COX7B: variants seen among roughly 807,000 people sequenced by gnomAD.
The protein encoded by COX7B is cytochrome c oxidase subunit 7B, also known as cytochrome c oxidase subunit 7B, mitochondrial.
In COX7B, 2 loss-of-function variants were observed where a neutral mutation model predicts 7.9. That is an observed-to-expected ratio of 0.25 (90% CI 0.10 to 0.79). The LOEUF is 0.79. COX7B is among the 30% of genes least tolerant of loss of function. The pLI is 0.69. For synonymous variants in COX7B, 19 were observed against 21.1 expected, an observed-to-expected ratio of 0.90 and a Z score of 0.27; for missense variants, 54 against 62.7, an observed-to-expected ratio of 0.86 and a Z score of 0.47.
At position 77,907,085 on chromosome X, in the gene COX7B, C is replaced by T. The variant is rs966532058; in HGVS notation, c.*1824C>T. 2.7e-5 allele frequency: 3 copies of T among 110,586 alleles called. No homozygotes were observed. In the Admixed American group the frequency reaches 2.9e-4, roughly 11 times the overall value. The allele number at this position is 110,586 out of a possible 1,213,427, so 9.1% of individuals were successfully genotyped here. ...TCTATATTAGCTAAATTATCTTTTG[C>T]TTATTACATAGAGTGCTAGAAGTAT... On this transcript the variant is annotated 3_prime_UTR_variant, in exon 3 of 3. Transcript: ENST00000650309.
intron 1 of COX7B, among the ~76,000 whole-genome samples, chrX:77,900,578 G>T (rs2077118064): frequency 8.9e-6 from 1 of 112,281 alleles, no homozygotes; most frequent in South Asian, 3.7e-4. Context: ...AAGGTGACCC[G>T]TAATTACTAT....
intron 2 of COX7B, among the ~76,000 whole-genome samples, chrX:77,904,559 C>T (rs1382083778): frequency 9.3e-6 from 1 of 107,236 alleles, no homozygotes; most frequent in Non-Finnish European, 1.9e-5. Context: ...GGAGAATCGC[C>T]TGAAGTTGGA....
intron 2 of COX7B, among the ~76,000 whole-genome samples, chrX:77,904,815 T>C (rs1235484060): frequency 1.8e-5 from 2 of 111,766 alleles, no homozygotes; most frequent in Non-Finnish European, 3.8e-5. Context: ...AGGGAATCAG[T>C]GTATTGAGTG....
Position 77,902,676 on chromosome X carries a change from G to A in COX7B, c.74G>A (p.Ser25Asn), listed in dbSNP as rs1400071124. The change falls in exon 2 of 3, where the codon AGC becomes AAC. Residue 25 changes from serine to asparagine, a missense_variant. Physicochemically the swap from Ser to Asn is conservative, Grantham distance 46 (BLOSUM62 1). Transcript: ENST00000650309. ...ATTCAGCAAACAATGGCAAGGCAGA[G>A]CCACCAGAAACGTACACCTGATTTT... Reference protein sequence around the residue: ...RSIQQTMARQSHQKRTPDFHD... With the variant: ...RSIQQTMARQNHQKRTPDFHD... 5.0e-6 allele frequency: 6 copies of A among 1,207,882 alleles called. No individual in the cohort carries two copies. The African/African-American group carries it at 8.7e-5, about 18-fold the overall frequency.
intron 1 of COX7B, among the ~76,000 whole-genome samples, chrX:77,902,038 T>C (rs979076405): frequency 1.8e-5 from 2 of 111,996 alleles, no homozygotes; most frequent in Non-Finnish European, 3.8e-5. Context: ...GCCTGGCCCA[T>C]TAATTTTTTA....
In COX7B at chrX:77,905,312, A is replaced by T. The variant is rs1557221040; in HGVS notation, c.*51A>T. The T allele has an allele frequency of 1.0e-6, 1 of 975,504 alleles. No homozygotes were observed. Among genetic ancestry groups the T allele is most frequent in the South Asian group, 1.9e-5 (1 of 51,468 alleles). 80.4% of individuals were successfully genotyped at this position (975,504 alleles called of 1,213,427 possible). A position where few individuals can be genotyped will look rare whatever the true frequency, so the allele number is the denominator to read the frequency against. On this transcript the variant is annotated 3_prime_UTR_variant, in exon 3 of 3. Coordinates refer to ENST00000650309, the MANE Select transcript of COX7B (RefSeq NM_001866.3). ...TTGTTTAAAAAACAGCTCATAATTGATGCCAAATTAAAGCACTGTGTACCC... is the reference window on the plus strand; with the variant it reads ...TTGTTTAAAAAACAGCTCATAATTGTTGCCAAATTAAAGCACTGTGTACCC...
intron 1 of COX7B, among the ~76,000 whole-genome samples, chrX:77,902,366 G>A (rs965392151): frequency 3.6e-5 from 4 of 111,757 alleles, no homozygotes; most frequent in Admixed American, 1.9e-4. Context: ...TGGAAGAATC[G>A]TATGAACACC....
At chrX:77,902,278 A>T (rs782806638) in intron 1 of COX7B, among the ~76,000 whole-genome samples, 3 of 112,093 alleles carry the variant, frequency 2.7e-5, no homozygotes, top group Middle Eastern at 9.2e-3. Context: ...CACTTTGTAG[A>T]GAATGTTACT....
intron 1 of COX7B, among the ~76,000 whole-genome samples, chrX:77,900,230 G>T (rs2077116996): frequency 9.0e-6 from 1 of 111,363 alleles, no homozygotes; most frequent in Non-Finnish European, 1.9e-5. Flanking sequence ...AGCCGGGCGT[G>T]GTGGTGGGCG....
In COX7B at chrX:77,902,650, C is replaced by A. The variant is rs61752458; in HGVS notation, c.48C>A (p.Ser16Arg). ...TTTTCGTTTTCCTGTAAGTTCGAAG[C>A]ATTCAGCAAACAATGGCAAGGCAGA... is the stretch of plus-strand genomic sequence containing the variant. ...KSALNRLQVR[S>R]IQQTMARQSH... Residue 16 changes from serine to arginine, a missense_variant, in exon 2 of 3, where the codon AGC (serine) becomes AGA (arginine). Transcript: ENST00000650309. The A allele has an allele frequency of 1.6e-3, 1,976 of 1,207,750 alleles. 21 individuals are homozygous for A. In the African/African-American group the frequency reaches 0.029, roughly 18 times the overall value.
chrX:77,905,465 G>A lies in COX7B; in HGVS notation c.*204G>A, dbSNP rs1755507287. ...TGTTAATATTAAAGTCAAATGCTGT[G>A]CAGCTTCTTAAATAGGTTTTTTTTT... On this transcript the variant is annotated 3_prime_UTR_variant, in exon 3 of 3. Transcript: ENST00000650309. 1.3e-5 allele frequency: 3 copies of A among 229,004 alleles called. No individual in the cohort carries two copies. The highest frequency in any genetic ancestry group is 1.7e-4 in the South Asian group (1 of 5,864). 18.9% of individuals were successfully genotyped at this position (229,004 alleles called of 1,213,427 possible). A position where few individuals can be genotyped will look rare whatever the true frequency, so the allele number is the denominator to read the frequency against.
intron 1 of COX7B, among the ~76,000 whole-genome samples, chrX:77,902,047 T>A (rs1261328111): frequency 1.8e-5 from 2 of 112,065 alleles, no homozygotes; most frequent in Non-Finnish European, 3.8e-5. Flanking sequence ...ATTAATTTTT[T>A]AAAAATCAAG....
At chrX:77,903,437 G>A (rs1010180957) in intron 2 of COX7B, among the ~76,000 whole-genome samples, 1 of 109,436 alleles carries the variant, frequency 9.1e-6, no homozygotes, top group African/African-American at 3.3e-5. Flanking sequence ...CAGGTGATCC[G>A]CCCGCCTTGG....
At position 77,906,773 on chromosome X, in the gene COX7B, G is replaced by C. The variant is rs782800944; in HGVS notation, c.*1512G>C. The C allele has an allele frequency of 1.7e-4, 19 of 110,508 alleles. No individual in the cohort carries two copies. The highest frequency in any genetic ancestry group is 6.3e-4 in the African/African-American group (19 of 30,360). The allele number at this position is 110,508 out of a possible 1,213,427, so 9.1% of individuals were successfully genotyped here. A position where few individuals can be genotyped will look rare whatever the true frequency, so the allele number is the denominator to read the frequency against. ...CTCCCTAGTAACTGGAATTACAGGC[G>C]CCTGCCACCATGCCTGGCTAATTTT... On this transcript the variant is annotated 3_prime_UTR_variant, in exon 3 of 3. Coordinates refer to ENST00000650309, the MANE Select transcript of COX7B (RefSeq NM_001866.3).
rs145118999 is a variant in COX7B at position 77,902,365 on chromosome X, C to T, written c.41-278C>T. 4.3e-3 allele frequency among the ~76,000 whole-genome samples: 477 copies of T among 112,003 alleles called. 4 individuals are homozygous for T. Among genetic ancestry groups the T allele is most frequent in the African/African-American group, 0.015 (463 of 30,869 alleles). ...AGACATACTGAAGAGTTGGAAGAAT[C>T]GTATGAACACCCATATACCCACCAC... On this transcript the variant is annotated intron_variant, in intron 1 of 2. Coordinates refer to ENST00000650309, the MANE Select transcript of COX7B (RefSeq NM_001866.3).
chrX:77,902,231 T>C (rs1262555146), intron 1 of COX7B, among the ~76,000 whole-genome samples: 1 of 111,987 alleles, frequency 8.9e-6, no homozygotes, highest in Non-Finnish European at 1.9e-5. Context: ...TTCAAATTAA[T>C]CAATGGGAGC....
At chrX:77,903,051 A>T (rs2077125126) in intron 2 of COX7B, 3 of 176,211 alleles carry the variant, frequency 1.7e-5, no homozygotes, top group Non-Finnish European at 2.1e-5. Flanking sequence ...TTTAAGAAGA[A>T]GTCTTGCTGT....
At chrX:77,904,572 G>A (rs1603367303) in intron 2 of COX7B, among the ~76,000 whole-genome samples, 1 of 108,490 alleles carries the variant, frequency 9.2e-6, no homozygotes, top group South Asian at 4.2e-4. Flanking sequence ...AAGTTGGAGG[G>A]GGTGGAGGTT....
chrX:77,901,640 G>A (rs1234996180), intron 1 of COX7B: 2 of 111,619 alleles, frequency 1.8e-5, no homozygotes, highest in Non-Finnish European at 3.8e-5. Context: ...GTACGATACT[G>A]ATTTTTATCT....
Sources: allele counts gnomAD v4.1 joint callset (sites outside exome capture counted in the v4.1 genomes callset), GRCh38; gene constraint gnomAD v4.1.1; transcripts MANE v1.5; gene names NCBI Gene and HGNC (gene_info 2026-07-23, HGNC 2026-07-21).